Variants in RNF213 observed in about 807,000 individuals in gnomAD.
RNF213 encodes the protein ring finger protein 213, also known as E3 ubiquitin-protein ligase RNF213.
A neutral mutation model predicts 514.4 loss-of-function variants in RNF213; 341 were observed. The observed-to-expected ratio is 0.66, with a 90% CI of 0.61 to 0.73. The LOEUF (loss-of-function observed/expected upper bound fraction) is 0.73. RNF213 is among the 30% of genes least tolerant of loss of function. The pLI is 0.00. For synonymous variants in RNF213, 2,655 were observed against 2,658.2 expected (o/e 1.00, Z 0.04); for missense variants, 5,767 against 6,615.6 (o/e 0.87, Z 4.45).
At position 80,298,353 on chromosome 17, in the gene RNF213, G is replaced by A. The variant is rs760543061; in HGVS notation, c.2045G>A (p.Arg682Lys). ...CTGTACCTGGTGAACCTGTGCCAAA[G>A]ATGCATGGACACAAGGACGTACACC... ...WRLYLVNLCQ[R>K]CMDTRTYTWL... Residue 682 changes from arginine (R) to lysine (K), a missense_variant, in exon 11 of 68, where the codon AGA becomes AAA. Transcript: ENST00000582970. 1 of 1,614,020 alleles carries A rather than the reference G, an allele frequency of 6.2e-7. No individual in the cohort carries two copies. Among genetic ancestry groups the A allele is most frequent in the African/African-American group, 1.3e-5 (1 of 74,906 alleles).
chr17:80,347,613 G>A lies in RNF213; in HGVS notation c.9278G>A (p.Cys3093Tyr). The A allele has an allele frequency of 6.2e-7, 1 of 1,614,090 alleles. No homozygotes were observed. The highest frequency in any genetic ancestry group is 8.5e-7 in the Non-Finnish European group (1 of 1,180,022). The change falls in exon 29 of 68, where the codon TGC (cysteine) becomes TAC (tyrosine). Residue 3093 changes from cysteine (C) to tyrosine (Y), a missense_variant. By Grantham distance (194) the Cys-to-Tyr change is radical. Transcript: ENST00000582970. This position sits in a 1 kb window ranked among gnomAD's most constrained non-coding sequence, Gnocchi z 7.2. The part of the protein sequence containing the change: ...LCRNINRVKI[C>Y]METGKMVLLL... Reference sequence around the variant, plus strand: ...AGAAACATCAATCGTGTGAAGATCTGCATGGAAACAGGCAAGATGGTGTTG... The same window carrying A: ...AGAAACATCAATCGTGTGAAGATCTACATGGAAACAGGCAAGATGGTGTTG...
At chr17:80,365,768 A>C (rs2079243150) in intron 42 of RNF213, among the ~76,000 whole-genome samples, 1 of 152,148 alleles carries the variant, frequency 6.6e-6, no homozygotes, top group South Asian at 2.1e-4. Context: ...CACAGCATGC[A>C]GCCTCTCCAA....
intron 3 of RNF213, among the ~76,000 whole-genome samples, chr17:80,281,283 C>A (rs1432716509): frequency 1.9e-5 from 2 of 104,594 alleles, no homozygotes; most frequent in Non-Finnish European, 2.0e-5. Context: ...ACACTCCCCC[C>A]CACACACATA....
At position 80,376,507 on chromosome 17, in the gene RNF213, C is replaced by T. The variant is rs768624860; in HGVS notation, c.13392C>T (p.Pro4464=). Reference sequence around the variant, plus strand: ...GTGGACAGAATGAACTCTTGGAGCCCCTAAAGAATCTGGCCTTCTCCCCAG... The same window carrying T: ...GTGGACAGAATGAACTCTTGGAGCCTCTAAAGAATCTGGCCTTCTCCCCAG... The part of the protein sequence containing the change: ...LLCGQNELLE[P]LKNLAFSPAT... Residue 4464 remains proline, a synonymous_variant, in exon 52 of 68, where the codon CCC becomes CCT. Transcript: ENST00000582970. The T allele has an allele frequency of 1.2e-6, 2 of 1,614,114 alleles. No homozygotes were observed. Among genetic ancestry groups the T allele is most frequent in the South Asian group, 1.1e-5 (1 of 91,072 alleles).
In RNF213 at chr17:80,398,133, G is replaced by A. The variant is rs1172381062; in HGVS notation, c.*4635G>A. 6.6e-6 allele frequency: 1 copy of A among 151,702 alleles called. No homozygotes were observed. The highest frequency in any genetic ancestry group is 2.4e-5 in the African/African-American group (1 of 41,294). 9.4% of individuals were successfully genotyped at this position (151,702 alleles called of 1,614,324 possible). On this transcript the variant is annotated 3_prime_UTR_variant, in exon 68 of 68. Coordinates refer to ENST00000582970, the MANE Select transcript of RNF213 (RefSeq NM_001256071.3). ...ACGGCGTGCCTGTACTGGCACTCTG[G>A]TTTTTGTTTTTGACTTGACTTGGAT... is the stretch of plus-strand genomic sequence containing the variant.
intron 3 of RNF213, among the ~76,000 whole-genome samples, chr17:80,273,982 G>A (rs1401294279): frequency 3.9e-5 from 6 of 152,136 alleles, no homozygotes; most frequent in Non-Finnish European, 7.3e-5. Context: ...CTGTGGCTGG[G>A]GTGGGGCCTG....
intron 3 of RNF213, among the ~76,000 whole-genome samples, chr17:80,287,339 C>A (rs1417126907): frequency 6.6e-6 from 1 of 152,144 alleles, no homozygotes; most frequent in Admixed American, 6.6e-5. Context: ...CTACAAAAAA[C>A]AAACCAACAA....
At chr17:80,357,836 A>G (rs539753720) in intron 36 of RNF213, among the ~76,000 whole-genome samples, 15 of 152,298 alleles carry the variant, frequency 9.8e-5, no homozygotes, top group African/African-American at 1.9e-4. Context: ...AAATTTAAAA[A>G]TTAGCTGGGC....
intron 42 of RNF213, among the ~76,000 whole-genome samples, chr17:80,367,109 T>C (rs537000780): frequency 2.7e-4 from 39 of 142,594 alleles, no homozygotes; most frequent in African/African-American, 7.2e-4. Flanking sequence ...AGGAGTGATC[T>C]GGACCTAAGG....
At chr17:80,388,989 G>T in intron 64 of RNF213, 184 bp from the exon 65 acceptor site, 1 of 645,810 alleles carries the variant, frequency 1.5e-6, no homozygotes, top group Admixed American at 2.4e-5. Flanking sequence ...GTACTGATAG[G>T]TAGACCTGTG....
Position 80,358,366 on chromosome 17 carries a change from C to G in RNF213, c.10941C>G (p.Gly3647=), listed in dbSNP as rs1478140645. Residue 3647 remains glycine, a synonymous_variant, in exon 37 of 68, where the codon GGC becomes GGG. Coordinates refer to ENST00000582970, the MANE Select transcript of RNF213 (RefSeq NM_001256071.3). ...TGATATCATTCATCGACAGAGACGGCAACCTAGAGTTACTGACCAGGCCAG... is the reference window on the plus strand; with the variant it reads ...TGATATCATTCATCGACAGAGACGGGAACCTAGAGTTACTGACCAGGCCAG... The part of the protein sequence containing the change: ...ASMISFIDRD[G]NLELLTRPDT... 6.2e-7 allele frequency: 1 copy of G among 1,614,174 alleles called. No individual in the cohort carries two copies. The highest frequency in any genetic ancestry group is 1.7e-5 in the Admixed American group (1 of 60,028).
chr17:80,298,218 T>A lies in RNF213; in HGVS notation c.2013-103T>A, dbSNP rs573288928. ...GCTCAGCCACGCGCGGTGCTCCTCT[T>A]GCTCTGTGTGCACGGTGCTTGCTTC... On this transcript the variant is annotated intron_variant, in intron 10 of 67. Coordinates refer to ENST00000582970, the MANE Select transcript of RNF213 (RefSeq NM_001256071.3). The A allele has an allele frequency of 1.7e-5, 21 of 1,216,770 alleles. No individual in the cohort carries two copies. The East Asian group carries it at 5.2e-4, about 30-fold the overall frequency. The allele number at this position is 1,216,770 out of a possible 1,614,324, so 75.4% of individuals were successfully genotyped here.
Position 80,327,883 on chromosome 17 carries a change from T to C in RNF213, c.3261T>C (p.Ser1087=). The C allele has an allele frequency of 6.5e-7, 1 of 1,537,280 alleles. No individual in the cohort carries two copies. The highest frequency in any genetic ancestry group is 8.7e-7 in the Non-Finnish European group (1 of 1,146,916). Residue 1087 remains serine (S), a synonymous_variant, in exon 19 of 68, where the codon TCT becomes TCC. Coordinates refer to ENST00000582970, the MANE Select transcript of RNF213 (RefSeq NM_001256071.3). ...AGAGGCTGATAGCTGTTGCCGACTC[T>C]GTGTTGACGAAAGTTGTTGGTGACC... ...DAKRLIAVAD[S]VLTKVVGDLL... is the part of the protein sequence containing the mutation.
chr17:80,308,929 T>C, intron 13 of RNF213, 89 bp from the exon 14 acceptor site: 3 of 1,513,358 alleles, frequency 2.0e-6, no homozygotes, highest in Non-Finnish European at 2.7e-6. Flanking sequence ...GGTAGTTATT[T>C]TGAAGGAAGG....
In RNF213 at chr17:80,347,011, C is replaced by T; in HGVS notation, c.8676C>T (p.Ala2892=). 2 of 1,613,930 alleles carry T rather than the reference C, an allele frequency of 1.2e-6. No homozygotes were observed. The highest frequency in any genetic ancestry group is 1.7e-6 in the Non-Finnish European group (2 of 1,179,910). Reference sequence around the variant, plus strand: ...TCTCCAACTGGGCCCTTGACCCTGCCAAGATGAACCGGGGCATTTTTGTGT... The same window carrying T: ...TCTCCAACTGGGCCCTTGACCCTGCTAAGATGAACCGGGGCATTTTTGTGT... ...VGISNWALDP[A]KMNRGIFVSR... is the part of the protein sequence containing the mutation. The change falls in exon 29 of 68, where the codon GCC becomes GCT. Residue 2892 remains alanine (A), a synonymous_variant. Transcript: ENST00000582970. This position sits in a 1 kb window ranked among gnomAD's most constrained non-coding sequence, Gnocchi z 7.2.
intron 8 of RNF213, 88 bp downstream of exon 8, chr17:80,291,915 A>C (rs2044745285): frequency 1.7e-5 from 25 of 1,450,296 alleles, no homozygotes; most frequent in Non-Finnish European, 2.3e-5. Context: ...TGGAGAGCAC[A>C]GACTTTGCCT....
intron 59 of RNF213, among the ~76,000 whole-genome samples, chr17:80,384,153 G>A (rs557727108): frequency 6.6e-6 from 1 of 152,318 alleles, no homozygotes; most frequent in Non-Finnish European, 1.5e-5. Context: ...CACCCACGTT[G>A]GGATTAGCAG....
rs551571332 is a variant in RNF213 at position 80,297,476 on chromosome 17, G to A, written c.2013-845G>A. Among the ~76,000 whole-genome samples the A allele has an allele frequency of 1.3e-3, 201 of 150,728 alleles. 1 individual carries two copies. Among genetic ancestry groups the A allele is most frequent in the African/African-American group, 4.2e-3 (173 of 41,084 alleles). The stretch of plus-strand genomic sequence containing the variant: ...AAAAAAAAAAAAAGTTGTTTTGGCC[G>A]GGCATTATGGCTCACACCTGTAATC... On this transcript the variant is annotated intron_variant, in intron 10 of 67. Transcript: ENST00000582970.
chr17:80,278,355 G>C (rs1000579760), intron 3 of RNF213, among the ~76,000 whole-genome samples: 1 of 152,204 alleles, frequency 6.6e-6, no homozygotes, highest in Non-Finnish European at 1.5e-5. Flanking sequence ...TGGGGTGCCC[G>C]GGCCTGCCTA....
Sources: allele counts gnomAD v4.1 joint callset (sites outside exome capture counted in the v4.1 genomes callset), GRCh38; gene constraint gnomAD v4.1.1; non-coding constraint Gnocchi (gnomAD v3.1); transcripts MANE v1.5; gene names NCBI Gene and HGNC (gene_info 2026-07-23, HGNC 2026-07-21).